DSE: variants seen among roughly 807,000 people sequenced by gnomAD.
DSE encodes the protein dermatan-sulfate epimerase.
In DSE, 36 loss-of-function variants were observed where a neutral mutation model predicts 84.4. The ratio of observed to expected loss-of-function variants is 0.43; its 90% CI spans 0.33 to 0.56. The LOEUF (loss-of-function observed/expected upper bound fraction) is 0.56, where lower values mean the gene tolerates loss of function less well. Among genes scored for constraint, DSE ranks in the 20% least tolerant of loss-of-function variants. DSE has a pLI of 0.06. For missense variants in DSE, 862 were observed against 1,169.6 expected, an observed-to-expected ratio of 0.74 and a Z score of 3.84; for synonymous variants, 410 against 430.1, an observed-to-expected ratio of 0.95 and a Z score of 0.58.
intron 2 of DSE, among the ~76,000 whole-genome samples, chr6:116,312,920 G>A (rs1381206784): frequency 6.6e-6 from 1 of 152,084 alleles, no homozygotes; most frequent in Non-Finnish European, 1.5e-5. Context: ...AATAGAGCAA[G>A]GCAAGAGATT....
At chr6:116,315,280 C>T (rs1394591044) in intron 2 of DSE, among the ~76,000 whole-genome samples, 1 of 152,006 alleles carries the variant, frequency 6.6e-6, no homozygotes, top group Non-Finnish European at 1.5e-5. Flanking sequence ...CATACTCTCT[C>T]AATTCTCTCT....
intron 2 of DSE, among the ~76,000 whole-genome samples, chr6:116,315,093 T>G (rs924473971): frequency 6.6e-6 from 1 of 152,162 alleles, no homozygotes; most frequent in African/African-American, 2.4e-5. Flanking sequence ...CTCCTAACTC[T>G]TAGGGTTGCT....
At chr6:116,275,436 G>T (rs1465291174) in intron 2 of DSE, among the ~76,000 whole-genome samples, 1 of 152,168 alleles carries the variant, frequency 6.6e-6, no homozygotes, top group Non-Finnish European at 1.5e-5. Context: ...TGAGAACTAG[G>T]TTATTTTGTT....
upstream of DSE, chr6:116,367,298 T>C (rs1779220040): frequency 6.6e-6 from 1 of 152,242 alleles, no homozygotes; most frequent in African/African-American, 2.4e-5. Context: ...TGAGAGAATC[T>C]ATAGGTGCAG....
chr6:116,428,825 A>T (rs1783614928), intron 3 of DSE, among the ~76,000 whole-genome samples: 1 of 152,242 alleles, frequency 6.6e-6, no homozygotes, highest in African/African-American at 2.4e-5. Context: ...AACTTTGAAG[A>T]TGGATAGGAG....
intron 2 of DSE, among the ~76,000 whole-genome samples, chr6:116,416,880 A>G (rs538671529): frequency 2.0e-5 from 3 of 152,362 alleles, no homozygotes; most frequent in African/African-American, 7.2e-5. Flanking sequence ...TTTTACACAT[A>G]CAGTTGTAAA....
At chr6:116,337,717 T>A (rs1291381275) in intron 2 of DSE, among the ~76,000 whole-genome samples, 1 of 151,980 alleles carries the variant, frequency 6.6e-6, no homozygotes, top group Non-Finnish European at 1.5e-5. Context: ...TTACAAAGAG[T>A]CTTGAGGTCA....
rs540267506 is a variant in DSE at position 116,396,702 on chromosome 6, C to T, written c.-53-2496C>T. ...TGGTTTAAATATATTCAGACATATCCTACGTAACTGGAAGCAATGTGGCAG... is the reference window on the plus strand; with the variant it reads ...TGGTTTAAATATATTCAGACATATCTTACGTAACTGGAAGCAATGTGGCAG... On this transcript the variant is annotated intron_variant, in intron 1 of 5. Coordinates refer to ENST00000644252, the MANE Select transcript of DSE (RefSeq NM_013352.4). Among the ~76,000 whole-genome samples the T allele has an allele frequency of 2.0e-5, 3 of 152,226 alleles. No homozygotes were observed. The South Asian group carries it at 6.2e-4, about 32-fold the overall frequency.
chr6:116,314,439 G>C (rs1775858076), intron 2 of DSE, among the ~76,000 whole-genome samples: 1 of 152,136 alleles, frequency 6.6e-6, no homozygotes, highest in Admixed American at 6.5e-5. Flanking sequence ...TAGTCATTCT[G>C]ATAAAGGGTT....
intron 2 of DSE, among the ~76,000 whole-genome samples, chr6:116,331,418 C>A (rs1443621134): frequency 6.6e-6 from 1 of 152,034 alleles, no homozygotes; most frequent in Non-Finnish European, 1.5e-5. Flanking sequence ...GGGGAAAAGC[C>A]CCTTATAAAA....
At chr6:116,347,721 G>A (rs1010137233) in intron 2 of DSE, among the ~76,000 whole-genome samples, 1 of 152,138 alleles carries the variant, frequency 6.6e-6, no homozygotes, top group African/African-American at 2.4e-5. Flanking sequence ...TACCATTCAG[G>A]ACATAGGCAT....
chr6:116,278,396 G>A, intron 2 of DSE: 2 of 1,284,294 alleles, frequency 1.6e-6, no homozygotes, highest in South Asian at 2.5e-5. Flanking sequence ...AAGGAAACAG[G>A]GTGCAGAAAA....
At chr6:116,316,541 C>T (rs934408303) in intron 2 of DSE, among the ~76,000 whole-genome samples, 1 of 151,782 alleles carries the variant, frequency 6.6e-6, no homozygotes, top group African/African-American at 2.4e-5. Context: ...TTCCAGTTTT[C>T]AATTAATGAA....
At chr6:116,385,158 G>A (rs1780504128) in intron 1 of DSE, among the ~76,000 whole-genome samples, 1 of 152,228 alleles carries the variant, frequency 6.6e-6, no homozygotes, top group Non-Finnish European at 1.5e-5. Flanking sequence ...CATGGCTGGA[G>A]CAGAGAGAGA....
At chr6:116,337,164 G>A (rs1302591544) in intron 2 of DSE, among the ~76,000 whole-genome samples, 1 of 152,070 alleles carries the variant, frequency 6.6e-6, no homozygotes, top group Non-Finnish European at 1.5e-5. Context: ...CTGATAAGTG[G>A]TAGAGCTCGT....
chr6:116,339,125 C>A (rs187894663), intron 2 of DSE, among the ~76,000 whole-genome samples: 3 of 152,268 alleles, frequency 2.0e-5, no homozygotes, highest in Admixed American at 2.0e-4. Flanking sequence ...ATCTCCTCCA[C>A]CCCAGTCCTG....
At chr6:116,255,342 A>C (rs1772099017) in intron 1 of DSE, 2 of 152,212 alleles carry the variant, frequency 1.3e-5, no homozygotes, top group Admixed American at 6.5e-5. Flanking sequence ...TAGCGAGGGA[A>C]GGAGTGTAGT....
upstream of DSE, chr6:116,370,195 T>C: frequency 6.7e-6 from 2 of 298,832 alleles, no homozygotes; most frequent in South Asian, 3.0e-5. Context: ...GATCTCTCTC[T>C]CTCACACACA....
At chr6:116,377,768 A>G (rs2213563) in intron 1 of DSE, among the ~76,000 whole-genome samples, 114,781 of 152,008 alleles carry the variant, frequency 0.76, 44,766 homozygotes, top group East Asian at 1. Context: ...TAGAGCAGTA[A>G]TGAAGACCAA....
Sources: allele counts gnomAD v4.1 joint callset (sites outside exome capture counted in the v4.1 genomes callset), GRCh38; gene constraint gnomAD v4.1.1; transcripts MANE v1.5; gene names NCBI Gene and HGNC (gene_info 2026-07-23, HGNC 2026-07-21).